The following GLI3 variants were observed in gnomAD, a reference collection of about 807,000 sequenced individuals.
GLI3 encodes the protein GLI family zinc finger 3.
In GLI3, 20 loss-of-function variants were observed where a neutral mutation model predicts 100.8. The observed-to-expected ratio is 0.20, with a 90% CI of 0.14 to 0.29. The LOEUF is 0.29. Ranked by LOEUF, GLI3 falls within the 10% of genes least tolerant of loss-of-function variation. The pLI is 1.00. For missense variants in GLI3, 2,040 were observed against 2,128.5 expected (o/e 0.96, Z 0.82); for synonymous variants, 938 against 860.5 (o/e 1.09, Z -1.58).
At chr7:42,259,473 A>G (rs1789117926) in intron 1 of GLI3, among the ~76,000 whole-genome samples, 1 of 152,226 alleles carries the variant, frequency 6.6e-6, no homozygotes, top group African/African-American at 2.4e-5. Flanking sequence ...AAAAATGACA[A>G]CAATTATAAT....
At chr7:42,142,249 AAAC>A (rs1464707979) in intron 3 of GLI3, among the ~76,000 whole-genome samples, 6 of 152,132 alleles carry the variant, frequency 3.9e-5, no homozygotes, top group Non-Finnish European at 7.3e-5. Context: ...GGTCCAGGAG[AAAC>A]AACTATACAA....
intron 10 of GLI3, among the ~76,000 whole-genome samples, chr7:42,004,434 A>G (rs1374683962): frequency 6.6e-6 from 1 of 152,222 alleles, no homozygotes; most frequent in Non-Finnish European, 1.5e-5. Context: ...AGAGTATTCA[A>G]TAAGTTGATT....
chr7:42,198,719 C>T (rs1787978092), intron 2 of GLI3, among the ~76,000 whole-genome samples: 1 of 151,930 alleles, frequency 6.6e-6, no homozygotes, highest in African/African-American at 2.4e-5. Flanking sequence ...CAGTACTTCC[C>T]TCTAGGGCGC....
At chr7:42,129,653 A>G (rs1786223376) in intron 3 of GLI3, among the ~76,000 whole-genome samples, 2 of 152,140 alleles carry the variant, frequency 1.3e-5, no homozygotes, top group South Asian at 4.2e-4. Context: ...TACCAAAAAT[A>G]CAAAAAAATT....
In GLI3 at chr7:41,991,351, C is replaced by G. The variant is rs551309071; in HGVS notation, c.1498-12603G>C. Among the ~76,000 whole-genome samples, 4 of 152,318 alleles carry G rather than the reference C, an allele frequency of 2.6e-5. No individual in the cohort carries two copies. The South Asian group carries it at 8.3e-4, about 32-fold the overall frequency. ...AAACCAAGGTGGAAAGCAAGCCCCT[C>G]CGCTTCGGCATGCTTTTCAACCTGT... is the stretch of plus-strand genomic sequence containing the variant. On this transcript the variant is annotated intron_variant, in intron 10 of 14. Transcript: ENST00000395925.
At chr7:42,148,176 C>T (rs760464810) in intron 3 of GLI3, 50 bp downstream of exon 3, 1 of 1,498,202 alleles carries the variant, frequency 6.7e-7, no homozygotes, top group Non-Finnish European at 9.1e-7. Flanking sequence ...CACACACACA[C>T]AGCCCTCCCC....
intron 12 of GLI3, among the ~76,000 whole-genome samples, chr7:41,973,879 T>G (rs1340588056): frequency 1.3e-5 from 2 of 152,210 alleles, no homozygotes; most frequent in Non-Finnish European, 2.9e-5. Context: ...CCATTAACTA[T>G]GAATTACATC....
intron 6 of GLI3, 66 bp downstream of exon 6, chr7:42,045,318 C>T: frequency 7.0e-7 from 1 of 1,418,726 alleles, no homozygotes; most frequent in Non-Finnish European, 1.0e-6. Flanking sequence ...TTTGTATCTT[C>T]TTCTCTGTTT....
At chr7:41,967,041 C>A (rs1189404860) in intron 14 of GLI3, among the ~76,000 whole-genome samples, 1 of 152,222 alleles carries the variant, frequency 6.6e-6, no homozygotes, top group East Asian at 1.9e-4. Flanking sequence ...AGTCCCCAGG[C>A]AAAGGTACTC....
intron 2 of GLI3, among the ~76,000 whole-genome samples, chr7:42,192,803 A>G (rs1194761979): frequency 6.6e-6 from 1 of 152,228 alleles, no homozygotes; most frequent in African/African-American, 2.4e-5. Flanking sequence ...CCACCCCCTT[A>G]GAGCACCACC....
At chr7:42,160,188 T>A (rs1787099212) in intron 2 of GLI3, among the ~76,000 whole-genome samples, 1 of 152,196 alleles carries the variant, frequency 6.6e-6, no homozygotes, top group Admixed American at 6.5e-5. Context: ...TTATGAAAGC[T>A]AGGTACTATC....
Position 42,079,854 on chromosome 7 carries a change from C to T in GLI3, c.368-2997G>A, listed in dbSNP as rs187247941. 2.0e-3 allele frequency among the ~76,000 whole-genome samples: 300 copies of T among 152,312 alleles called. 2 individuals are homozygous for T. The highest frequency in any genetic ancestry group is 6.9e-3 in the African/African-American group (288 of 41,570). ...TGACAAAGTACAAAACCACGTTTTT[C>T]ACTCAAAATGTGTGAATTTATTCCA... On this transcript the variant is annotated intron_variant, in intron 3 of 14. Transcript: ENST00000395925.
At chr7:42,213,960 A>G (rs1297322137) in intron 2 of GLI3, among the ~76,000 whole-genome samples, 2 of 152,166 alleles carry the variant, frequency 1.3e-5, no homozygotes, top group African/African-American at 4.8e-5. Context: ...ATGCAAACAC[A>G]CTCGGGCCTG....
intron 3 of GLI3, among the ~76,000 whole-genome samples, chr7:42,100,756 G>A (rs942598457): frequency 3.9e-5 from 6 of 151,926 alleles, no homozygotes; most frequent in Admixed American, 2.6e-4. Flanking sequence ...AAAGAAGAGG[G>A]GGTGGGGGTT....
intron 10 of GLI3, among the ~76,000 whole-genome samples, chr7:42,022,525 C>T (rs545696744): frequency 5.3e-5 from 8 of 152,246 alleles, no homozygotes; most frequent in East Asian, 1.9e-4. Flanking sequence ...GGAGGGGAAT[C>T]GCAACAAATG....
At chr7:42,067,966 T>G (rs142655315) in intron 4 of GLI3, among the ~76,000 whole-genome samples, 1 of 152,364 alleles carries the variant, frequency 6.6e-6, no homozygotes, top group East Asian at 1.9e-4. Context: ...CTTATAAACA[T>G]GTGTGATGCT....
At chr7:42,120,453 AG>A (rs1381369204) in intron 3 of GLI3, among the ~76,000 whole-genome samples, 1 of 152,200 alleles carries the variant, frequency 6.6e-6, no homozygotes, top group African/African-American at 2.4e-5. Context: ...CCAGCTGGGA[AG>A]GTTTAGGCAG....
Position 42,055,239 on chromosome 7 carries a change from C to G in GLI3, c.474-6543G>C, listed in dbSNP as rs557891118. 7.3e-5 allele frequency among the ~76,000 whole-genome samples: 11 copies of G among 151,610 alleles called. No individual in the cohort carries two copies. In the East Asian group the frequency reaches 2.1e-3, roughly 29 times the overall value. On this transcript the variant is annotated intron_variant, in intron 4 of 14. Transcript: ENST00000395925. The stretch of plus-strand genomic sequence containing the variant: ...CTGCACAATCCTATACTTTTTTTTC[C>G]CTCTATGCAAGGTAAGCTTTCAGAT...
intron 10 of GLI3, among the ~76,000 whole-genome samples, chr7:42,012,033 C>T (rs1788625849): frequency 6.6e-6 from 1 of 152,196 alleles, no homozygotes. Context: ...CCTGCTGGTC[C>T]TCACCGCTCG....
Sources: allele counts gnomAD v4.1 joint callset (sites outside exome capture counted in the v4.1 genomes callset), GRCh38; gene constraint gnomAD v4.1.1; transcripts MANE v1.5; gene names NCBI Gene and HGNC (gene_info 2026-07-23, HGNC 2026-07-21).